The following ABCA3 variants were observed in gnomAD, a reference collection of about 807,000 sequenced individuals.
The protein encoded by ABCA3 is ATP binding cassette subfamily A member 3.
Under a neutral mutation model 172.8 loss-of-function variants are expected in ABCA3, and 88 were observed. That is an observed-to-expected ratio of 0.51 (90% CI 0.43 to 0.61). The LOEUF is 0.61. Ranked by LOEUF, ABCA3 falls within the 20% of genes least tolerant of loss-of-function variation. ABCA3 has a pLI of 0.00. For synonymous variants in ABCA3, 1,066 were observed against 983.8 expected (o/e 1.08, Z -1.56); for missense variants, 2,164 against 2,301.0 (o/e 0.94, Z 1.22).
Position 2,298,494 on chromosome 16 carries a change from T to A in ABCA3, c.1788A>T (p.Glu596Asp), listed in dbSNP as rs1371528388. The A allele has an allele frequency of 1.2e-6, 2 of 1,614,008 alleles. No homozygotes were observed. The highest frequency in any genetic ancestry group is 1.7e-5 in the Admixed American group (1 of 60,016). The change falls in exon 15 of 33, where the codon GAA becomes GAT. Residue 596 changes from glutamate (E) to aspartate (D), a missense_variant. This residue lies in a region of ABCA3 where 1,343 missense variants were observed against 1,369.6 expected (regional missense o/e 0.98). Coordinates refer to ENST00000301732, the MANE Select transcript of ABCA3 (RefSeq NM_001089.3). ...TSGRAYISGYEISQDMVQIRK... is the reference protein window; with the variant it reads ...TSGRAYISGYDISQDMVQIRK... ...GGATCTGAACCATGTCCTGGGAAAT[T>A]TCATACCCGCTGATGTATGCCCGTC...
intron 11 of ABCA3, among the ~76,000 whole-genome samples, chr16:2,308,053 A>AC (rs2093700570): frequency 6.6e-6 from 1 of 152,084 alleles, no homozygotes; most frequent in South Asian, 2.1e-4. Context: ...ACACAGTGAG[A>AC]CCCCATCTCT....
intron 1 of ABCA3, among the ~76,000 whole-genome samples, chr16:2,335,010 G>A (rs982609250): frequency 6.6e-6 from 1 of 151,518 alleles, no homozygotes; most frequent in Admixed American, 6.6e-5. Flanking sequence ...TGTATTTTCA[G>A]TAGAGACGGG....
rs770354666 is a variant in ABCA3 at position 2,326,458 on chromosome 16, C to G, written c.9G>C (p.Val3=). 2 of 1,611,712 alleles carry G rather than the reference C, an allele frequency of 1.2e-6. No homozygotes were observed. Among genetic ancestry groups the G allele is most frequent in the Non-Finnish European group, 8.5e-7 (1 of 1,178,930 alleles). ...AGAGGAGGAGCGCCAGCTGCCTGAG[C>G]ACAGCCATCGTCTTGCTGAAAGGGA... MA[V]LRQLALLLWK... Residue 3 remains valine, a synonymous_variant, in exon 4 of 33, where the codon GTG becomes GTC. Coordinates refer to ENST00000301732, the MANE Select transcript of ABCA3 (RefSeq NM_001089.3).
At chr16:2,312,976 C>G (rs948617504) in intron 10 of ABCA3, among the ~76,000 whole-genome samples, 12 of 151,860 alleles carry the variant, frequency 7.9e-5, no homozygotes, top group Non-Finnish European at 1.8e-4. Flanking sequence ...ATCACTCGAG[C>G]CCTGGGAGAC....
chr16:2,307,644 C>T (rs1332398816), intron 11 of ABCA3, among the ~76,000 whole-genome samples: 1 of 152,138 alleles, frequency 6.6e-6, no homozygotes, highest in Non-Finnish European at 1.5e-5. Flanking sequence ...GGAGTCTTGT[C>T]ACCCAGGCTG....
At chr16:2,327,557 C>T (rs973922401) in intron 3 of ABCA3, among the ~76,000 whole-genome samples, 12 of 152,272 alleles carry the variant, frequency 7.9e-5, no homozygotes, top group African/African-American at 2.4e-4. Context: ...GGAATTCTGG[C>T]CCCCATTGGC....
chr16:2,324,467 G>T lies in ABCA3; in HGVS notation c.384C>A (p.Ser128Arg). Residue 128 changes from serine to arginine, a missense_variant, in exon 6 of 33, where the codon AGC becomes AGA. Ser to Arg is a moderately radical substitution (Grantham distance 110). Coordinates refer to ENST00000301732, the MANE Select transcript of ABCA3 (RefSeq NM_001089.3). ...GCTCGAAGACCACGGCGGCCAGCACGCTGGACGAGCAGTTGTCGTACCTAA... is the reference window on the plus strand; with the variant it reads ...GCTCGAAGACCACGGCGGCCAGCACTCTGGACGAGCAGTTGTCGTACCTAA... ...DYIRYDNCSSSVLAAVVFEHP... is the reference protein window; with the variant it reads ...DYIRYDNCSSRVLAAVVFEHP... The T allele has an allele frequency of 1.2e-6, 2 of 1,610,064 alleles. No individual in the cohort carries two copies. The highest frequency in any genetic ancestry group is 8.5e-7 in the Non-Finnish European group (1 of 1,179,872).
rs902397028 is a variant in ABCA3, at chr16:2,287,965, C to G, written c.3004+61G>C. The G allele has an allele frequency of 6.3e-7, 1 of 1,583,388 alleles. No homozygotes were observed. The highest frequency in any genetic ancestry group is 8.6e-7 in the Non-Finnish European group (1 of 1,169,292). On this transcript the variant is annotated intron_variant, in intron 21 of 32. Coordinates refer to ENST00000301732, the MANE Select transcript of ABCA3 (RefSeq NM_001089.3). The surrounding 1 kb of genome is among the most constrained non-coding windows in gnomAD (Gnocchi z 4.1). Reference sequence around the variant, plus strand: ...GTCGACCCTGCTGCAGTCAGGAAGGCGAACTCTGGCTGCAGGACTGGCCCC... The same window carrying G: ...GTCGACCCTGCTGCAGTCAGGAAGGGGAACTCTGGCTGCAGGACTGGCCCC...
At chr16:2,307,108 CCT>C (rs894734862) in intron 11 of ABCA3, among the ~76,000 whole-genome samples, 1 of 151,716 alleles carries the variant, frequency 6.6e-6, no homozygotes, top group Admixed American at 6.6e-5. Context: ...ACAGCGAGAC[CCT>C]GTCTCAAAAA....
chr16:2,300,659 C>T (rs1009789858), intron 12 of ABCA3, among the ~76,000 whole-genome samples: 28 of 152,228 alleles, frequency 1.8e-4, no homozygotes, highest in Non-Finnish European at 3.1e-4. Flanking sequence ...TAACTCAGTG[C>T]ATGGGGTAAG....
At chr16:2,289,961 TCACACACACACA>T (rs3138606) in intron 19 of ABCA3, among the ~76,000 whole-genome samples, 13 of 138,210 alleles carry the variant, frequency 9.4e-5, no homozygotes, top group Non-Finnish European at 1.5e-4. Context: ...GTGAATTACA[TCACACACACACA>T]CACACACACA....
intron 1 of ABCA3, among the ~76,000 whole-genome samples, chr16:2,330,761 C>T (rs551368905): frequency 3.1e-4 from 46 of 147,016 alleles, no homozygotes; most frequent in Non-Finnish European, 6.4e-4. Context: ...TGCAGTGCCG[C>T]GATCTCTGTT....
chr16:2,288,410 T>C, intron 20 of ABCA3, 81 bp from the exon 21 acceptor site: 6 of 1,464,432 alleles, frequency 4.1e-6, no homozygotes, highest in Non-Finnish European at 4.6e-6. Flanking sequence ...GCAGGTGCTG[T>C]TCTGTGTGAC....
In ABCA3 at chr16:2,278,134, A is replaced by T. The variant is rs1357541914; in HGVS notation, c.4719-65T>A. ...CAAAGGCTTGTGCAGACAGGAAGGC[A>T]TTGGCTCTCCGATCAGGCTGTTCCT... On this transcript the variant is annotated intron_variant, in intron 30 of 32. Coordinates refer to ENST00000301732, the MANE Select transcript of ABCA3 (RefSeq NM_001089.3). The surrounding 1 kb of genome is among the most constrained non-coding windows in gnomAD (Gnocchi z 4.4). 1 of 1,606,858 alleles carries T rather than the reference A, an allele frequency of 6.2e-7. No individual in the cohort carries two copies. The highest frequency in any genetic ancestry group is 1.7e-5 in the Admixed American group (1 of 59,682).
rs760037090 is a variant in ABCA3 at position 2,326,057 on chromosome 16, T to C, written c.272A>G (p.Lys91Arg). 1.4e-5 allele frequency: 23 copies of C among 1,613,884 alleles called. No individual in the cohort carries two copies. The South Asian group carries it at 2.5e-4, about 18-fold the overall frequency. The change falls in exon 5 of 33, where the codon AAG (lysine) becomes AGG (arginine). Residue 91 changes from lysine (K) to arginine (R), a missense_variant. Lys to Arg is a conservative substitution (Grantham distance 26). Transcript: ENST00000301732. Reference sequence around the variant, plus strand: ...CCTGCGCACTGTCTCAGTGACGGTCTTGGCAGCGTCACTGTGAGAAGGGAT... The same window carrying C: ...CCTGCGCACTGTCTCAGTGACGGTCCTGGCAGCGTCACTGTGAGAAGGGAT... ...AYIPSHSDAA[K>R]TVTETVRRAL... is the part of the protein sequence containing the mutation.
chr16:2,339,848 G>A (rs2093757701), intron 1 of ABCA3, among the ~76,000 whole-genome samples: 4 of 152,292 alleles, frequency 2.6e-5, no homozygotes, highest in Admixed American at 6.5e-5. Context: ...CGGCCCTTCT[G>A]AAGCGTGGAG....
intron 11 of ABCA3, among the ~76,000 whole-genome samples, chr16:2,304,468 C>T (rs958170622): frequency 9.9e-5 from 15 of 151,358 alleles, no homozygotes; most frequent in African/African-American, 3.2e-4. Flanking sequence ...TTCGGTAAGG[C>T]CAACGTGGGT....
intron 7 of ABCA3, among the ~76,000 whole-genome samples, chr16:2,321,970 T>G (rs2093726728): frequency 6.6e-6 from 1 of 151,634 alleles, no homozygotes; most frequent in Non-Finnish European, 1.5e-5. Flanking sequence ...GAAGCCGAGG[T>G]GGGTGAATCA....
intron 17 of ABCA3, among the ~76,000 whole-genome samples, chr16:2,296,335 C>T (rs994835584): frequency 2.0e-5 from 3 of 151,898 alleles, no homozygotes; most frequent in African/African-American, 7.3e-5. Flanking sequence ...GGTTCAAGTA[C>T]TTATTCTCCT....
Sources: allele counts gnomAD v4.1 joint callset (sites outside exome capture counted in the v4.1 genomes callset), GRCh38; gene constraint gnomAD v4.1.1; regional missense constraint gnomAD v4.1.1; non-coding constraint Gnocchi (gnomAD v3.1); transcripts MANE v1.5; gene names NCBI Gene and HGNC (gene_info 2026-07-23, HGNC 2026-07-21).